The following PPP1R12B variants were observed in gnomAD, a reference collection of about 807,000 sequenced individuals.
PPP1R12B encodes myosin phosphatase target subunit 2.
Under a neutral mutation model 126.1 loss-of-function variants are expected in PPP1R12B, and 76 were observed. That is an observed-to-expected ratio of 0.60 (90% confidence interval 0.50 to 0.73). PPP1R12B has a LOEUF of 0.73. Ranked by LOEUF, PPP1R12B falls within the 30% of genes least tolerant of loss-of-function variation. The probability of loss-of-function intolerance (pLI) is 0.00; values close to 1 mark genes in which losing one functional copy is unlikely to be tolerated. For synonymous variants in PPP1R12B, 356 were observed against 434.7 expected, an observed-to-expected ratio of 0.82 and a Z score of 2.25; for missense variants, 1,052 against 1,205.1, an observed-to-expected ratio of 0.87 and a Z score of 1.88.
intron 18 of PPP1R12B, among the ~76,000 whole-genome samples, chr1:202,497,304 C>T (rs983277450): frequency 6.6e-6 from 1 of 152,176 alleles, no homozygotes; most frequent in African/African-American, 2.4e-5. Flanking sequence ...TAAGGCCTGA[C>T]ATCCAACTCT....
At chr1:202,554,297 T>C (rs1297287015) in intron 18 of PPP1R12B, among the ~76,000 whole-genome samples, 2 of 152,230 alleles carry the variant, frequency 1.3e-5, no homozygotes, top group Non-Finnish European at 1.5e-5. Flanking sequence ...TCTTACTCTT[T>C]TTAGGCTAAA....
intron 18 of PPP1R12B, among the ~76,000 whole-genome samples, chr1:202,515,873 C>T (rs1429397844): frequency 1.3e-5 from 2 of 152,108 alleles, no homozygotes; most frequent in Admixed American, 1.3e-4. Context: ...TTGGTATATC[C>T]GATTGACCTT....
At position 202,353,586 on chromosome 1, in the gene PPP1R12B, T is replaced by TTGTGTGTGTGTGTG. The variant is rs58683662; in HGVS notation, c.291+4475_291+4488dup. Among the ~76,000 whole-genome samples, 165 of 120,806 alleles carry TTGTGTGTGTGTGTG rather than the reference T, an allele frequency of 1.4e-3. 2 individuals are homozygous for TTGTGTGTGTGTGTG. The highest frequency in any genetic ancestry group is 4.5e-3 in the South Asian group (16 of 3,528). The allele number at this position is 120,806 out of a possible 152,430, so 79.3% of individuals were successfully genotyped here. Reference sequence around the variant, plus strand: ...AGAATTTCTTCCCTATTCTTCTTCTTTGTGTGTGTGTGTGTGTGTGTGTGT... The same window carrying TTGTGTGTGTGTGTG: ...AGAATTTCTTCCCTATTCTTCTTCTTTGTGTGTGTGTGTGTGTGTGTGTGTGTGTGTGTGTGTGT... On this transcript the variant is annotated intron_variant, in intron 1 of 23. Coordinates refer to ENST00000608999, the MANE Select transcript of PPP1R12B (RefSeq NM_002481.4).
chr1:202,386,878 T>A (rs1178494428), intron 1 of PPP1R12B, among the ~76,000 whole-genome samples: 1 of 152,132 alleles, frequency 6.6e-6, no homozygotes, highest in Non-Finnish European at 1.5e-5. Context: ...CAAACTGCAA[T>A]TAAAATAATG....
At chr1:202,468,451 A>C (rs958631748) in intron 13 of PPP1R12B, among the ~76,000 whole-genome samples, 2 of 152,200 alleles carry the variant, frequency 1.3e-5, no homozygotes, top group Non-Finnish European at 2.9e-5. Flanking sequence ...ATGGCTAGCC[A>C]GTTGTTTTCT....
At chr1:202,467,940 A>C (rs1235012600) in intron 13 of PPP1R12B, among the ~76,000 whole-genome samples, 1 of 151,932 alleles carries the variant, frequency 6.6e-6, no homozygotes, top group Non-Finnish European at 1.5e-5. Flanking sequence ...ATGGTATCTC[A>C]TTGTGGTTTT....
Position 202,580,611 on chromosome 1 carries a change from A to C in PPP1R12B, c.*51A>C, listed in dbSNP as rs1279854920. 1 of 1,439,986 alleles carries C rather than the reference A, an allele frequency of 6.9e-7. No individual in the cohort carries two copies. Among genetic ancestry groups the C allele is most frequent in the East Asian group, 2.3e-5 (1 of 43,894 alleles). The allele number at this position is 1,439,986 out of a possible 1,614,324, so 89.2% of individuals were successfully genotyped here. On this transcript the variant is annotated 3_prime_UTR_variant, in exon 24 of 24. Coordinates refer to ENST00000608999, the MANE Select transcript of PPP1R12B (RefSeq NM_002481.4). ...GAAAGGGACAGCATTTGCTGCCCCC[A>C]CCCCTCTTTTCCAGTCCTTGCCTTC...
At chr1:202,548,550 C>G (rs1486921620) in intron 18 of PPP1R12B, among the ~76,000 whole-genome samples, 8 of 152,080 alleles carry the variant, frequency 5.3e-5, no homozygotes, top group African/African-American at 1.9e-4. Context: ...GTCTCAAACT[C>G]CCAACCTCAA....
chr1:202,486,283 G>C (rs986170077), intron 13 of PPP1R12B, among the ~76,000 whole-genome samples: 4 of 151,342 alleles, frequency 2.6e-5, no homozygotes, highest in African/African-American at 9.7e-5. Flanking sequence ...AGCTCTCTGG[G>C]GTTCTCAATA....
chr1:202,564,606 T>C (rs1687882012), intron 21 of PPP1R12B, 59 bp downstream of exon 21: 1 of 1,373,778 alleles, frequency 7.3e-7, no homozygotes, highest in African/African-American at 1.4e-5. Flanking sequence ...GGAAGCAAAC[T>C]AGACTAGGGA....
intron 1 of PPP1R12B, among the ~76,000 whole-genome samples, chr1:202,352,771 C>G (rs1035009331): frequency 1.3e-5 from 2 of 152,030 alleles, no homozygotes; most frequent in African/African-American, 4.8e-5. Context: ...CCTGTAGTCC[C>G]AGTTACTCGG....
chr1:202,553,551 G>A (rs1404144617), intron 18 of PPP1R12B, among the ~76,000 whole-genome samples: 4 of 152,148 alleles, frequency 2.6e-5, no homozygotes, highest in Non-Finnish European at 4.4e-5. Context: ...GTGCAGATAA[G>A]CTATTCAGAC....
At chr1:202,360,821 T>C (rs570235754) in intron 1 of PPP1R12B, among the ~76,000 whole-genome samples, 24 of 152,248 alleles carry the variant, frequency 1.6e-4, no homozygotes, top group Non-Finnish European at 2.8e-4. Context: ...ACCCTTCGTA[T>C]GTAAATATTT....
chr1:202,383,650 G>A (rs2148497551), intron 1 of PPP1R12B, among the ~76,000 whole-genome samples: 1 of 152,282 alleles, frequency 6.6e-6, no homozygotes, highest in South Asian at 2.1e-4. Flanking sequence ...CTTGAACCCA[G>A]GAGGTGGAGG....
chr1:202,577,433 C>G (rs907641510), intron 23 of PPP1R12B, among the ~76,000 whole-genome samples: 1 of 152,176 alleles, frequency 6.6e-6, no homozygotes, highest in Admixed American at 6.5e-5. Context: ...GGAGTAGCAA[C>G]AGAGACTGTT....
chr1:202,382,544 C>T (rs1662496798), intron 1 of PPP1R12B, among the ~76,000 whole-genome samples: 1 of 149,350 alleles, frequency 6.7e-6, no homozygotes, highest in Non-Finnish European at 1.5e-5. Context: ...AACAAAGCAC[C>T]TTAAGTTAGA....
At chr1:202,405,333 C>A (rs899638620) in intron 1 of PPP1R12B, among the ~76,000 whole-genome samples, 7 of 152,140 alleles carry the variant, frequency 4.6e-5, no homozygotes, top group African/African-American at 1.2e-4. Context: ...TAACTTTTAT[C>A]TCTTATGAAT....
chr1:202,567,580 C>T (rs908531626), intron 21 of PPP1R12B, 198 bp from the exon 22 acceptor site: 14 of 569,980 alleles, frequency 2.5e-5, no homozygotes, highest in African/African-American at 2.1e-4. Context: ...CAGAGGGAAT[C>T]CTGCAAACTT....
At chr1:202,442,600 G>A (rs1671773859) in intron 12 of PPP1R12B, 28 bp downstream of exon 12, 3 of 1,592,068 alleles carry the variant, frequency 1.9e-6, no homozygotes, top group East Asian at 2.2e-5. Context: ...GGTGGGAGAT[G>A]TTTCTTTCAC....
Sources: allele counts gnomAD v4.1 joint callset (sites outside exome capture counted in the v4.1 genomes callset), GRCh38; gene constraint gnomAD v4.1.1; transcripts MANE v1.5; gene names NCBI Gene and HGNC (gene_info 2026-07-23, HGNC 2026-07-21).